Variants in SH3BGRL3 observed in about 807,000 individuals in gnomAD.
SH3BGRL3 encodes the protein SH3 domain-binding glutamic acid-rich-like protein 3.
In SH3BGRL3, 8 loss-of-function variants were observed where a neutral mutation model predicts 11.9. That is an observed-to-expected ratio of 0.67 (90% CI 0.40 to 1.22). The LOEUF (loss-of-function observed/expected upper bound fraction) is 1.22, where lower values mean the gene tolerates loss of function less well. Ranked by LOEUF, SH3BGRL3 falls within the 50% of genes most tolerant of loss-of-function variation. The pLI, the probability that SH3BGRL3 is intolerant of heterozygous loss-of-function variation, is 0.01. For synonymous variants in SH3BGRL3, 55 were observed against 52.3 expected (o/e 1.05, Z -0.22); for missense variants, 119 against 120.1 (o/e 0.99, Z 0.04).
At chr1:26,280,463 C>T (rs2072961459) in intron 1 of SH3BGRL3, among the ~76,000 whole-genome samples, 1 of 152,074 alleles carries the variant, frequency 6.6e-6, no homozygotes, top group Admixed American at 6.5e-5. Context: ...CTCTGCACTC[C>T]CACTACCGGG....
In SH3BGRL3 at chr1:26,280,849, G is replaced by A. The variant is rs200847643; in HGVS notation, c.133G>A (p.Ala45Thr). Residue 45 changes from alanine (A) to threonine (T), a missense_variant, in exon 2 of 3, where the codon GCC becomes ACC. Transcript: ENST00000270792. ...GCTAGTGGACATCTCCCAGGACAAC[G>A]CCCTGAGGGATGAGATGCGAGCCTT... ...YQLVDISQDN[A>T]LRDEMRALAG... is the part of the protein sequence containing the mutation. 2.2e-5 allele frequency: 35 copies of A among 1,612,880 alleles called. 1 individual carries two copies. Among genetic ancestry groups the A allele is most frequent in the East Asian group, 4.5e-5 (2 of 44,776 alleles).
At chr1:26,280,272 G>T (rs114913699) in intron 1 of SH3BGRL3, 69 bp downstream of exon 1, 9 of 1,420,106 alleles carry the variant, frequency 6.3e-6, no homozygotes, top group Non-Finnish European at 8.3e-6. Context: ...GGACCCTAGC[G>T]CCCGGGACCC....
At position 26,280,777 on chromosome 1, in the gene SH3BGRL3, C is replaced by G; in HGVS notation, c.61C>G (p.Gln21Glu). Residue 21 changes from glutamine (Q) to glutamate (E), a missense_variant, in exon 2 of 3, where the codon CAG becomes GAG. Coordinates refer to ENST00000270792, the MANE Select transcript of SH3BGRL3 (RefSeq NM_031286.4). ...VTGSREIKSQ[Q>E]SEVTRILDGK... The stretch of plus-strand genomic sequence containing the variant: ...CCTCTGTCCCCAGATCAAGTCCCAG[C>G]AGAGCGAGGTGACCCGAATCCTGGA... The G allele has an allele frequency of 6.2e-7, 1 of 1,614,060 alleles. No individual in the cohort carries two copies. The highest frequency in any genetic ancestry group is 8.5e-7 in the Non-Finnish European group (1 of 1,180,000).
chr1:26,280,301 G>A, intron 1 of SH3BGRL3, 98 bp downstream of exon 1: 1 of 1,370,780 alleles, frequency 7.3e-7, no homozygotes, highest in Non-Finnish European at 9.6e-7. Context: ...GACGGGGGCG[G>A]GGTGGGGGGA....
chr1:26,280,285 C>T (rs1249232744), intron 1 of SH3BGRL3, 82 bp downstream of exon 1: 8 of 1,407,202 alleles, frequency 5.7e-6, no homozygotes, highest in Non-Finnish European at 7.4e-6. Flanking sequence ...CGGGACCCAC[C>T]CCCAGGACGG....
rs370757450 is a variant in SH3BGRL3, at chr1:26,280,741, C to G, written c.49-24C>G. The G allele has an allele frequency of 8.1e-6, 13 of 1,612,646 alleles. No homozygotes were observed. In the Admixed American group the frequency reaches 2.2e-4, roughly 27 times the overall value. On this transcript the variant is annotated intron_variant, in intron 1 of 2. Coordinates refer to ENST00000270792, the MANE Select transcript of SH3BGRL3 (RefSeq NM_031286.4). ...ATAAATCCTCCAGCCTATCCACTAA[C>G]CCCTACCCACCCTCTGTCCCCAGAT...
rs1207080479 is a variant in SH3BGRL3, at chr1:26,280,906, A to G, written c.190A>G (p.Ile64Val). ...AGNPKATPPQ[I>V]VNGDQYCGDY... ...CAACCCCAAGGCCACCCCACCCCAG[A>G]TTGTCAACGGGGACCAGTACTGTGG... Residue 64 changes from isoleucine (I) to valine (V), a missense_variant, in exon 2 of 3, where the codon ATT becomes GTT. Physicochemically the swap from Ile to Val is conservative, Grantham distance 29 (BLOSUM62 3). Transcript: ENST00000270792. The G allele has an allele frequency of 8.9e-7, 1 of 1,127,742 alleles. No homozygotes were observed. The highest frequency in any genetic ancestry group is 4.7e-5 in the East Asian group (1 of 21,292). The allele number at this position is 1,127,742 out of a possible 1,614,324, so 69.9% of individuals were successfully genotyped here.
chr1:26,280,176 C>A lies in SH3BGRL3; in HGVS notation c.21C>A (p.Tyr7Ter). The A allele has an allele frequency of 6.4e-7, 1 of 1,561,110 alleles. No homozygotes were observed. Among genetic ancestry groups the A allele is most frequent in the Non-Finnish European group, 8.6e-7 (1 of 1,156,500 alleles). The change falls in exon 1 of 3, where the codon TAC (tyrosine) becomes TAA (stop). Residue 7 changes from tyrosine to a stop codon, truncating the protein, a stop_gained. Coordinates refer to ENST00000270792, the MANE Select transcript of SH3BGRL3 (RefSeq NM_031286.4). LOFTEE classifies it high-confidence loss of function. MSGLRVYSTSVTGSREI... is the reference protein window; with the variant it reads MSGLRV ...CCAGCATGAGCGGCCTGCGCGTCTACAGCACGTCGGTCACCGGCTCCCGCG... is the reference window on the plus strand; with the variant it reads ...CCAGCATGAGCGGCCTGCGCGTCTAAAGCACGTCGGTCACCGGCTCCCGCG...
intron 1 of SH3BGRL3, 55 bp downstream of exon 1, chr1:26,280,258 C>T (rs2072951992): frequency 7.0e-7 from 1 of 1,436,728 alleles, no homozygotes. Context: ...TATCCCGGTG[C>T]TTTGGACCCT....
rs1557676031 is a variant in SH3BGRL3 at position 26,280,911 on chromosome 1, C to G, written c.195C>G (p.Val65=). 6.5e-7 allele frequency: 1 copy of G among 1,528,490 alleles called. No homozygotes were observed. The highest frequency in any genetic ancestry group is 1.1e-5 in the South Asian group (1 of 89,574). The allele number at this position is 1,528,490 out of a possible 1,614,324, so 94.7% of individuals were successfully genotyped here. Residue 65 remains valine (V), a synonymous_variant, in exon 2 of 3, where the codon GTC becomes GTG. Transcript: ENST00000270792. ...GNPKATPPQI[V]NGDQYCGDYE... is the part of the protein sequence containing the mutation. ...CCAAGGCCACCCCACCCCAGATTGT[C>G]AACGGGGACCAGTACTGTGGGGTAT...
In SH3BGRL3 at chr1:26,280,854, G is replaced by C. The variant is rs1432490847; in HGVS notation, c.138G>C (p.Leu46=). ...QLVDISQDNA[L]RDEMRALAGN... is the part of the protein sequence containing the mutation. ...TGGACATCTCCCAGGACAACGCCCT[G>C]AGGGATGAGATGCGAGCCTTGGCAG... is the stretch of plus-strand genomic sequence containing the variant. Residue 46 remains leucine, a synonymous_variant, in exon 2 of 3, where the codon CTG becomes CTC. Coordinates refer to ENST00000270792, the MANE Select transcript of SH3BGRL3 (RefSeq NM_031286.4). The C allele has an allele frequency of 1.2e-6, 2 of 1,613,838 alleles. No homozygotes were observed. Among genetic ancestry groups the C allele is most frequent in the African/African-American group, 1.3e-5 (1 of 75,000 alleles).
chr1:26,281,233 CT>C lies in SH3BGRL3; in HGVS notation c.*112del. 9.6e-7 allele frequency: 1 copy of C among 1,042,140 alleles called. No homozygotes were observed. Among genetic ancestry groups the C allele is most frequent in the Non-Finnish European group, 1.4e-6 (1 of 708,578 alleles). 64.6% of individuals were successfully genotyped at this position (1,042,140 alleles called of 1,614,324 possible). ...AACTCCCTGTCATTCCTAACCTAAC[CT>C]TAGAGTCCCTCCCCCAATGCAGGCC... On this transcript the variant is annotated 3_prime_UTR_variant, in exon 3 of 3. Coordinates refer to ENST00000270792, the MANE Select transcript of SH3BGRL3 (RefSeq NM_031286.4).
chr1:26,281,014 G>A lies in SH3BGRL3; in HGVS notation c.217-44G>A, dbSNP rs1247345982. ...GTCATATCTGCCACAAAGCACTTGG[G>A]CCCCCTGCATTCAGGTGACCACCCC... On this transcript the variant is annotated intron_variant, in intron 2 of 2. Coordinates refer to ENST00000270792, the MANE Select transcript of SH3BGRL3 (RefSeq NM_031286.4). The A allele has an allele frequency of 2.0e-5, 33 of 1,611,172 alleles. No homozygotes were observed. The Admixed American group carries it at 5.5e-4, about 27-fold the overall frequency.
chr1:26,280,638 C>A, intron 1 of SH3BGRL3, 127 bp from the exon 2 acceptor site: 1 of 1,135,250 alleles, frequency 8.8e-7, no homozygotes, highest in East Asian at 2.4e-5. Flanking sequence ...AGGCCAGAAC[C>A]CTCCCCTAGT....
chr1:26,280,125 C>T lies in SH3BGRL3; in HGVS notation c.-31C>T. On this transcript the variant is annotated 5_prime_UTR_variant, in exon 1 of 3. Coordinates refer to ENST00000270792, the MANE Select transcript of SH3BGRL3 (RefSeq NM_031286.4). ...GTGCAGCTGCCGCTACCGCCGCCCT[C>T]TGCCCGCCGGCCCGTCTGTCTACCC... 1.3e-6 allele frequency: 2 copies of T among 1,553,286 alleles called. No homozygotes were observed. Among genetic ancestry groups the T allele is most frequent in the Non-Finnish European group, 1.7e-6 (2 of 1,149,666 alleles).
intron 1 of SH3BGRL3, 66 bp from the exon 2 acceptor site, chr1:26,280,699 T>G: frequency 6.3e-7 from 1 of 1,580,828 alleles, no homozygotes; most frequent in South Asian, 1.1e-5. Context: ...TCTCTCACCC[T>G]GCCCAGCATT....
In SH3BGRL3 at chr1:26,280,135, G is replaced by A. The variant is rs763591023; in HGVS notation, c.-21G>A. The A allele has an allele frequency of 1.9e-5, 30 of 1,560,096 alleles. No homozygotes were observed. Among genetic ancestry groups the A allele is most frequent in the Non-Finnish European group, 4.3e-6 (5 of 1,153,666 alleles). On this transcript the variant is annotated 5_prime_UTR_variant, in exon 1 of 3. Coordinates refer to ENST00000270792, the MANE Select transcript of SH3BGRL3 (RefSeq NM_031286.4). The stretch of plus-strand genomic sequence containing the variant: ...CGCTACCGCCGCCCTCTGCCCGCCG[G>A]CCCGTCTGTCTACCCCCAGCATGAG...
In SH3BGRL3 at chr1:26,280,780, A is replaced by AGC. The variant is rs1570067029; in HGVS notation, c.66_67dup (p.Glu23AlafsTer3). 1 of 1,613,982 alleles carries AGC rather than the reference A, an allele frequency of 6.2e-7. No homozygotes were observed. Among genetic ancestry groups the AGC allele is most frequent in the African/African-American group, 1.3e-5 (1 of 74,994 alleles). ...CTGTCCCCAGATCAAGTCCCAGCAGAGCGAGGTGACCCGAATCCTGGATGG... is the reference window on the plus strand; with the variant it reads ...CTGTCCCCAGATCAAGTCCCAGCAGAGCGCGAGGTGACCCGAATCCTGGATGG... On this transcript the variant is annotated frameshift_variant, in exon 2 of 3. Transcript: ENST00000270792. LOFTEE classifies it high-confidence loss of function.
intron 1 of SH3BGRL3, 72 bp downstream of exon 1, chr1:26,280,275 CGGGACCCACCCCCAGGACGGGGGCGG>C: frequency 7.1e-7 from 1 of 1,416,916 alleles, no homozygotes; most frequent in East Asian, 2.8e-5. Flanking sequence ...CCCTAGCGCC[CGGGACCCACCCCCAGGACGGGGGCGG>C]GGTGGGGGGA....
Sources: gnomAD v4.1 joint callset for allele counts (sites outside exome capture counted in the v4.1 genomes callset) on GRCh38, gnomAD v4.1.1 for gene constraint, MANE v1.5 for transcripts, NCBI Gene and HGNC (gene_info 2026-07-23, HGNC 2026-07-21) for gene names.